NIBAN1: variants seen among roughly 807,000 people sequenced by gnomAD.
NIBAN1 encodes the protein niban apoptosis regulator 1.
NIBAN1 carries 81 observed loss-of-function variants against 75.1 expected under a neutral mutation model. The observed-to-expected ratio is 1.08, with a 90% CI of 0.90 to 1.30. NIBAN1 has a LOEUF of 1.30. Ranked by LOEUF, NIBAN1 falls within the 50% of genes most tolerant of loss-of-function variation. The pLI, the probability that NIBAN1 is intolerant of heterozygous loss-of-function variation, is 0.00. For synonymous variants in NIBAN1, 436 were observed against 424.8 expected (o/e 1.03, Z -0.32); for missense variants, 1,133 against 1,128.1 (o/e 1.00, Z -0.06).
chr1:184,833,809 T>C (rs1655060868), intron 5 of NIBAN1, among the ~76,000 whole-genome samples: 2 of 150,644 alleles, frequency 1.3e-5, no homozygotes, highest in Admixed American at 1.3e-4. Flanking sequence ...AATTAAATTT[T>C]GAAAAAAGAG....
chr1:184,952,769 A>G (rs1374325609), intron 1 of NIBAN1, among the ~76,000 whole-genome samples: 1 of 152,178 alleles, frequency 6.6e-6, no homozygotes, highest in Non-Finnish European at 1.5e-5. Context: ...TAATCAATCA[A>G]TTAAACAACT....
At chr1:184,930,994 C>CT (rs145254228) in intron 1 of NIBAN1, among the ~76,000 whole-genome samples, 2 of 57,274 alleles carry the variant, frequency 3.5e-5, no homozygotes, top group African/African-American at 7.0e-5. Flanking sequence ...ACTTTTTCTT[C>CT]TTCTTTTTTT....
At chr1:184,828,586 C>T (rs1654909794) in intron 6 of NIBAN1, among the ~76,000 whole-genome samples, 1 of 152,172 alleles carries the variant, frequency 6.6e-6, no homozygotes, top group Non-Finnish European at 1.5e-5. Context: ...CCTGGCCTCA[C>T]ACAGTAAGCT....
intron 5 of NIBAN1, among the ~76,000 whole-genome samples, chr1:184,861,057 A>G (rs368701711): frequency 6.6e-6 from 1 of 152,342 alleles, no homozygotes; most frequent in African/African-American, 2.4e-5. Flanking sequence ...TTTTTCTGTA[A>G]AAGGCAAAAT....
intron 2 of NIBAN1, among the ~76,000 whole-genome samples, chr1:184,897,598 G>T (rs1656834338): frequency 6.6e-6 from 1 of 151,950 alleles, no homozygotes. Context: ...TATTCTCCAG[G>T]CTCAATCACT....
At chr1:184,899,039 A>G in intron 2 of NIBAN1, 140 bp downstream of exon 2, 1 of 892,156 alleles carries the variant, frequency 1.1e-6, no homozygotes, top group Non-Finnish European at 1.7e-6. Context: ...CCAGGCAAAT[A>G]GAGTTTTTTG....
At chr1:184,929,669 C>G (rs1466173959) in intron 1 of NIBAN1, among the ~76,000 whole-genome samples, 1 of 152,012 alleles carries the variant, frequency 6.6e-6, no homozygotes. Flanking sequence ...TGTCTTTTTT[C>G]CTCCACCACA....
At chr1:184,840,956 A>AGTGTGTGTGT (rs57091998) in intron 5 of NIBAN1, among the ~76,000 whole-genome samples, 76 of 148,088 alleles carry the variant, frequency 5.1e-4, no homozygotes, top group African/African-American at 1.8e-3. Flanking sequence ...AAAGAGTGTG[A>AGTGTGTGTGT]GTGTGTGTGT....
intron 1 of NIBAN1, among the ~76,000 whole-genome samples, chr1:184,963,405 C>A (rs1658701244): frequency 6.6e-6 from 1 of 152,036 alleles, no homozygotes; most frequent in Non-Finnish European, 1.5e-5. Context: ...ATTCTTATTG[C>A]TGAATATTGT....
chr1:184,826,735 C>T (rs916914211), intron 6 of NIBAN1, among the ~76,000 whole-genome samples: 2 of 151,980 alleles, frequency 1.3e-5, no homozygotes, highest in African/African-American at 4.8e-5. Flanking sequence ...TTTGGGTGGG[C>T]TTATAGTTTT....
rs144689007 is a variant in NIBAN1, at chr1:184,831,902, C to A, written c.662G>T (p.Arg221Leu). ...GGAACCATAGTGACCCTTCTCCTGTCGGAAGAATTGCACAGCTTCTAAAAA... is the reference window on the plus strand; with the variant it reads ...GGAACCATAGTGACCCTTCTCCTGTAGGAAGAATTGCACAGCTTCTAAAAA... ...QAFLEAVQFFRQEKGHYGSWE... is the reference protein window; with the variant it reads ...QAFLEAVQFFLQEKGHYGSWE... The change falls in exon 6 of 14, where the codon CGA (arginine) becomes CTA (leucine). Residue 221 changes from arginine to leucine, a missense_variant. Physicochemically the swap from Arg to Leu is moderately radical, Grantham distance 102. Transcript: ENST00000367511. The A allele has an allele frequency of 1.2e-6, 2 of 1,614,130 alleles. No homozygotes were observed. The highest frequency in any genetic ancestry group is 1.1e-5 in the South Asian group (1 of 91,088).
intron 1 of NIBAN1, among the ~76,000 whole-genome samples, chr1:184,959,466 G>T (rs1015891830): frequency 6.6e-6 from 1 of 151,992 alleles, no homozygotes; most frequent in Non-Finnish European, 1.5e-5. Flanking sequence ...TGCTAATTTC[G>T]CCATGTCTAT....
intron 1 of NIBAN1, among the ~76,000 whole-genome samples, chr1:184,919,339 T>TC: frequency 6.6e-6 from 1 of 152,214 alleles, no homozygotes; most frequent in Non-Finnish European, 1.5e-5. Context: ...AGTGTTTGAT[T>TC]CCTTTTCTCC....
intron 5 of NIBAN1, among the ~76,000 whole-genome samples, chr1:184,870,411 T>C (rs1656075273): frequency 6.6e-6 from 1 of 152,242 alleles, no homozygotes; most frequent in Non-Finnish European, 1.5e-5. Context: ...ATGATTGATA[T>C]GTGCTATAGT....
chr1:184,960,287 C>T (rs1025688964), intron 1 of NIBAN1, among the ~76,000 whole-genome samples: 1 of 152,100 alleles, frequency 6.6e-6, no homozygotes, highest in African/African-American at 2.4e-5. Context: ...TTTTCCAAGG[C>T]ACCAATTGTA....
At chr1:184,964,604 G>A (rs1472652201) in intron 1 of NIBAN1, among the ~76,000 whole-genome samples, 1 of 152,224 alleles carries the variant, frequency 6.6e-6, no homozygotes. Flanking sequence ...TGAGGATTAT[G>A]TGAGCTCATG....
intron 1 of NIBAN1, among the ~76,000 whole-genome samples, chr1:184,915,662 G>A (rs1388033804): frequency 6.6e-6 from 1 of 152,144 alleles, no homozygotes; most frequent in Non-Finnish European, 1.5e-5. Flanking sequence ...TGTGGTAAGC[G>A]ATTTTTGAAA....
chr1:184,910,364 A>G (rs1657208790), intron 1 of NIBAN1, among the ~76,000 whole-genome samples: 6 of 152,184 alleles, frequency 3.9e-5, no homozygotes, highest in Admixed American at 3.9e-4. Context: ...ACAGACCTCT[A>G]GAGCTGGATG....
intron 3 of NIBAN1, 58 bp downstream of exon 3, chr1:184,894,017 A>G: frequency 6.6e-7 from 1 of 1,515,010 alleles, no homozygotes. Context: ...ACACCAATCA[A>G]CCGAGCCAAA....
Sources: allele counts gnomAD v4.1 joint callset (sites outside exome capture counted in the v4.1 genomes callset), GRCh38; gene constraint gnomAD v4.1.1; transcripts MANE v1.5; gene names NCBI Gene and HGNC (gene_info 2026-07-23, HGNC 2026-07-21).